FSD1L: variants seen among roughly 807,000 people sequenced by gnomAD.
FSD1L encodes the protein fibronectin type III and SPRY domain containing 1 like.
FSD1L carries 45 observed loss-of-function variants against 71.6 expected under a neutral mutation model. The observed-to-expected ratio is 0.63, with a 90% confidence interval of 0.49 to 0.81. The LOEUF is 0.81. Among genes scored for constraint, FSD1L ranks in the 30% least tolerant of loss-of-function variants. FSD1L has a pLI of 0.00. For synonymous variants in FSD1L, 197 were observed against 207.2 expected (o/e 0.95, Z 0.42); for missense variants, 561 against 618.1 (o/e 0.91, Z 0.98).
chr9:105,505,605 T>G (rs1834012199), intron 7 of FSD1L, among the ~76,000 whole-genome samples: 1 of 152,042 alleles, frequency 6.6e-6, no homozygotes, highest in Non-Finnish European at 1.5e-5. Context: ...CCACAAAGAG[T>G]TTTATTTTTT....
At chr9:105,477,196 A>G (rs150518523) in intron 5 of FSD1L, among the ~76,000 whole-genome samples, 82 of 152,356 alleles carry the variant, frequency 5.4e-4, no homozygotes, top group African/African-American at 1.8e-3. Context: ...AAAAAACGGT[A>G]ATCGTCTTCA....
At chr9:105,529,259 A>T (rs1461436000) in intron 10 of FSD1L, among the ~76,000 whole-genome samples, 1 of 152,212 alleles carries the variant, frequency 6.6e-6, no homozygotes, top group African/African-American at 2.4e-5. Context: ...TTGACCCAGC[A>T]ATCCCATTAC....
At chr9:105,484,978 CATT>C (rs1832441851) in intron 7 of FSD1L, among the ~76,000 whole-genome samples, 2 of 152,060 alleles carry the variant, frequency 1.3e-5, no homozygotes, top group African/African-American at 4.8e-5. Context: ...TAGGTGTTAT[CATT>C]ATTATTATTG....
At position 105,448,086 on chromosome 9, in the gene FSD1L, A is replaced by G; in HGVS notation, c.-135A>G. On this transcript the variant is annotated 5_prime_UTR_variant, in exon 1 of 14. Transcript: ENST00000481272. ...TACGGCGCGCGCGGTCTGGGCGCGG[A>G]CGGGTGGGGCCGGGCGGTGCCGGTG... is the stretch of plus-strand genomic sequence containing the variant. 1 of 1,009,080 alleles carries G rather than the reference A, an allele frequency of 9.9e-7. No individual in the cohort carries two copies. Among genetic ancestry groups the G allele is most frequent in the Non-Finnish European group, 1.5e-6 (1 of 669,486 alleles). The allele number at this position is 1,009,080 out of a possible 1,614,324, so 62.5% of individuals were successfully genotyped here.
intron 7 of FSD1L, among the ~76,000 whole-genome samples, chr9:105,492,625 T>C (rs1833032010): frequency 6.6e-6 from 1 of 152,198 alleles, no homozygotes. Context: ...CTGCTTTCTC[T>C]TGTGGGCATT....
chr9:105,494,202 T>G (rs2131304034), intron 7 of FSD1L, among the ~76,000 whole-genome samples: 1 of 152,276 alleles, frequency 6.6e-6, no homozygotes, highest in East Asian at 1.9e-4. Flanking sequence ...GTTCATTTCT[T>G]TTTATTCTTT....
At chr9:105,450,115 T>G (rs1439042878) in intron 1 of FSD1L, among the ~76,000 whole-genome samples, 1 of 152,238 alleles carries the variant, frequency 6.6e-6, no homozygotes, top group East Asian at 1.9e-4. Context: ...GAACCTGAGC[T>G]TCCTTTTCTC....
chr9:105,504,370 A>C (rs1833934363), intron 7 of FSD1L, among the ~76,000 whole-genome samples: 1 of 152,314 alleles, frequency 6.6e-6, no homozygotes, highest in East Asian at 1.9e-4. Flanking sequence ...ATCCAATTCT[A>C]AGTATTTATT....
At chr9:105,536,231 T>C (rs962449060) in intron 12 of FSD1L, among the ~76,000 whole-genome samples, 3 of 152,228 alleles carry the variant, frequency 2.0e-5, no homozygotes, top group Admixed American at 6.5e-5. Context: ...TTGACTCACA[T>C]TGTTTCCCTT....
chr9:105,530,152 CT>C (rs1835800906), intron 10 of FSD1L, among the ~76,000 whole-genome samples: 2 of 152,110 alleles, frequency 1.3e-5, no homozygotes, highest in African/African-American at 4.8e-5. Flanking sequence ...TCAGAGTAAG[CT>C]TTATCTTGTA....
intron 1 of FSD1L, 115 bp downstream of exon 1, chr9:105,448,350 G>A (rs979643711): frequency 9.8e-7 from 1 of 1,022,346 alleles, no homozygotes; most frequent in African/African-American, 1.7e-5. Flanking sequence ...CCGGGCGTCC[G>A]GGCTGCTGCT....
intron 7 of FSD1L, among the ~76,000 whole-genome samples, chr9:105,489,265 C>A (rs774882728): frequency 1.3e-5 from 2 of 152,186 alleles, no homozygotes; most frequent in Non-Finnish European, 2.9e-5. Context: ...GCCCACTGAT[C>A]TACGATAAGA....
At chr9:105,446,435 G>A (rs1428707613), upstream of FSD1L, among the ~76,000 whole-genome samples, 3 of 152,158 alleles carry the variant, frequency 2.0e-5, no homozygotes, top group African/African-American at 7.2e-5. Context: ...TGTGATCTAG[G>A]CTCACTGCAA....
chr9:105,457,970 C>T (rs1354603881), intron 1 of FSD1L, among the ~76,000 whole-genome samples: 1 of 152,228 alleles, frequency 6.6e-6, no homozygotes, highest in African/African-American at 2.4e-5. Context: ...CCTGAAAACT[C>T]AGAGATGCCA....
chr9:105,472,160 T>A, intron 5 of FSD1L, 155 bp downstream of exon 5: 1 of 914,608 alleles, frequency 1.1e-6, no homozygotes, highest in East Asian at 3.3e-5. Flanking sequence ...GTTCATTTAT[T>A]CCAAAGCAAA....
upstream of FSD1L, among the ~76,000 whole-genome samples, chr9:105,444,348 C>T (rs1373474932): frequency 2.0e-5 from 3 of 152,128 alleles, no homozygotes; most frequent in African/African-American, 7.2e-5. Flanking sequence ...TGAGGTTTAG[C>T]AAGGTAAGTG....
chr9:105,477,590 G>A (rs1391238710), intron 5 of FSD1L, among the ~76,000 whole-genome samples: 2 of 152,182 alleles, frequency 1.3e-5, no homozygotes, highest in Non-Finnish European at 2.9e-5. Context: ...TAAGGGAATG[G>A]AGAGGCAAAG....
At chr9:105,520,030 C>A in intron 10 of FSD1L, 3 of 1,466,466 alleles carry the variant, frequency 2.0e-6, no homozygotes, top group Non-Finnish European at 1.8e-6. Flanking sequence ...AGCTAATGAG[C>A]CTCTCTGGCT....
At chr9:105,477,328 G>A (rs1831870533) in intron 5 of FSD1L, among the ~76,000 whole-genome samples, 1 of 152,128 alleles carries the variant, frequency 6.6e-6, no homozygotes, top group Admixed American at 6.5e-5. Flanking sequence ...GGAAAAGATG[G>A]CTTTTGTTAT....
Sources: gnomAD v4.1 joint callset for allele counts (sites outside exome capture counted in the v4.1 genomes callset) on GRCh38, gnomAD v4.1.1 for gene constraint, MANE v1.5 for transcripts, NCBI Gene and HGNC (gene_info 2026-07-23, HGNC 2026-07-21) for gene names.